Variants in RBM20 observed in about 807,000 individuals in gnomAD.
RBM20 encodes RNA binding motif protein 20.
A neutral mutation model predicts 110.1 loss-of-function variants in RBM20; 51 were observed. The observed-to-expected ratio is 0.46, with a 90% CI of 0.37 to 0.59. The LOEUF is 0.59. RBM20 is among the 20% of genes least tolerant of loss of function. The probability of loss-of-function intolerance (pLI) is 0.00; values close to 1 mark genes in which losing one functional copy is unlikely to be tolerated. For synonymous variants in RBM20, 589 were observed against 618.2 expected, an observed-to-expected ratio of 0.95 and a Z score of 0.70; for missense variants, 1,512 against 1,574.9, an observed-to-expected ratio of 0.96 and a Z score of 0.68.
At chr10:110,674,163 C>T (rs899512976) in intron 1 of RBM20, among the ~76,000 whole-genome samples, 1 of 152,134 alleles carries the variant, frequency 6.6e-6, no homozygotes, top group African/African-American at 2.4e-5. Context: ...TCATTTATGG[C>T]TACTCAGTCT....
In RBM20 at chr10:110,670,431, G is replaced by A. The variant is rs190461024; in HGVS notation, c.191+25786G>A. 2.6e-5 allele frequency among the ~76,000 whole-genome samples: 4 copies of A among 152,324 alleles called. No homozygotes were observed. In the East Asian group the frequency reaches 7.7e-4, roughly 29 times the overall value. ...TGAGATCTGAAACTAAGTTTCTCAT[G>A]ACTGGACTGTATTTCTTTAGCTGCT... On this transcript the variant is annotated intron_variant, in intron 1 of 13. Coordinates refer to ENST00000369519, the MANE Select transcript of RBM20 (RefSeq NM_001134363.3).
intron 1 of RBM20, among the ~76,000 whole-genome samples, chr10:110,715,058 G>A (rs1207150316): frequency 1.3e-5 from 2 of 152,174 alleles, no homozygotes; most frequent in Non-Finnish European, 2.9e-5. Flanking sequence ...GACCATCCTG[G>A]TCAACATGGT....
At chr10:110,664,625 T>C (rs1862151177) in intron 1 of RBM20, among the ~76,000 whole-genome samples, 1 of 152,012 alleles carries the variant, frequency 6.6e-6, no homozygotes, top group South Asian at 2.1e-4. Context: ...CTAACCCCTG[T>C]AGTCCCAGCT....
intron 1 of RBM20, among the ~76,000 whole-genome samples, chr10:110,767,289 C>A (rs1224896970): frequency 7.9e-6 from 1 of 125,882 alleles, no homozygotes; most frequent in East Asian, 2.5e-4. Flanking sequence ...TAGGGGCGGC[C>A]GGGCAGAGGT....
At position 110,781,837 on chromosome 10, in the gene RBM20, T is replaced by G; in HGVS notation, c.1228T>G (p.Leu410Val). 1 of 1,551,760 alleles carries G rather than the reference T, an allele frequency of 6.4e-7. No homozygotes were observed. Among genetic ancestry groups the G allele is most frequent in the Non-Finnish European group, 8.7e-7 (1 of 1,147,006 alleles). Residue 410 changes from leucine (L) to valine (V), a missense_variant, in exon 2 of 14, where the codon TTG becomes GTG. Around this residue, in one of 3 missense-constraint regions of RBM20, gnomAD observed 1,149 missense variants for 1,169.4 expected, o/e 0.98. Coordinates refer to ENST00000369519, the MANE Select transcript of RBM20 (RefSeq NM_001134363.3). ...NDFHGVAPLH[L>V]PHICSICDKK... Reference sequence around the variant, plus strand: ...CTTTCACGGTGTGGCCCCCCTCCACTTGCCGCATATCTGTAGCATCTGTGA... The same window carrying G: ...CTTTCACGGTGTGGCCCCCCTCCACGTGCCGCATATCTGTAGCATCTGTGA...
intron 7 of RBM20, among the ~76,000 whole-genome samples, chr10:110,807,703 TG>T (rs1564852734): frequency 2.0e-5 from 3 of 152,226 alleles, no homozygotes; most frequent in Admixed American, 6.5e-5. Context: ...TTCCTGGATC[TG>T]GGCTGGAAGG....
At chr10:110,656,679 G>A (rs185648294) in intron 1 of RBM20, among the ~76,000 whole-genome samples, 1 of 152,154 alleles carries the variant, frequency 6.6e-6, no homozygotes, top group Non-Finnish European at 1.5e-5. Context: ...CATCCCTATG[G>A]ATTTGCCTAT....
chr10:110,644,388 GC>G lies in RBM20; in HGVS notation c.-64del. 1 of 1,281,462 alleles carries G rather than the reference GC, an allele frequency of 7.8e-7. No individual in the cohort carries two copies. Among genetic ancestry groups the G allele is most frequent in the African/African-American group, 1.6e-5 (1 of 63,988 alleles). The allele number at this position is 1,281,462 out of a possible 1,614,324, so 79.4% of individuals were successfully genotyped here. A position where few individuals can be genotyped will look rare whatever the true frequency, so the allele number is the denominator to read the frequency against. On this transcript the variant is annotated 5_prime_UTR_variant, in exon 1 of 14. Transcript: ENST00000369519. The surrounding 1 kb of genome is among the most constrained non-coding windows in gnomAD (Gnocchi z 4.3). The stretch of plus-strand genomic sequence containing the variant: ...GGCACGGGGACCCCGGCCAGTGAGC[GC>G]CCGTGGCCCGGGACCGCCCCTCCCT...
intron 7 of RBM20, among the ~76,000 whole-genome samples, chr10:110,808,184 G>A (rs1844719716): frequency 6.6e-6 from 1 of 152,246 alleles, no homozygotes; most frequent in African/African-American, 2.4e-5. Context: ...AGCTCCAAGT[G>A]AGCCTCTTCT....
intron 9 of RBM20, among the ~76,000 whole-genome samples, chr10:110,818,371 C>T (rs1844868453): frequency 1.3e-5 from 2 of 151,232 alleles, no homozygotes; most frequent in South Asian, 2.1e-4. Context: ...TTCTTGATTG[C>T]CTTGGGAAGA....
intron 11 of RBM20, among the ~76,000 whole-genome samples, chr10:110,822,148 T>C (rs1232070451): frequency 6.6e-6 from 1 of 152,208 alleles, no homozygotes; most frequent in Non-Finnish European, 1.5e-5. Flanking sequence ...GGAAGTTAGA[T>C]AGGAGGCTGC....
chr10:110,682,779 C>T (rs1311353899), intron 1 of RBM20, among the ~76,000 whole-genome samples: 2 of 152,224 alleles, frequency 1.3e-5, no homozygotes, highest in African/African-American at 4.8e-5. Context: ...AGGGGAGCTA[C>T]TGTAGGATTA....
At chr10:110,697,928 G>A (rs1330812482) in intron 1 of RBM20, among the ~76,000 whole-genome samples, 1 of 141,560 alleles carries the variant, frequency 7.1e-6, no homozygotes, top group Non-Finnish European at 1.5e-5. Context: ...TTTTTTTTGA[G>A]ACTGAGTCTC....
intron 1 of RBM20, among the ~76,000 whole-genome samples, chr10:110,763,751 C>CCTTT (rs1554896903): frequency 4.8e-4 from 31 of 64,346 alleles, no homozygotes; most frequent in East Asian, 3.2e-3. Flanking sequence ...GGCTTCTTGG[C>CCTTT]TTTTTTTTTT....
At chr10:110,772,490 T>G (rs1245091962) in intron 1 of RBM20, among the ~76,000 whole-genome samples, 5 of 152,244 alleles carry the variant, frequency 3.3e-5, no homozygotes, top group Non-Finnish European at 7.3e-5. Flanking sequence ...ATTTTTACTG[T>G]ACTTGTCTAG....
chr10:110,704,824 G>A (rs1003657364), intron 1 of RBM20, among the ~76,000 whole-genome samples: 2 of 152,190 alleles, frequency 1.3e-5, no homozygotes, highest in African/African-American at 2.4e-5. Context: ...GAGGTTTGGA[G>A]AAGCCTTGTC....
At chr10:110,672,553 C>T (rs1450544486) in intron 1 of RBM20, among the ~76,000 whole-genome samples, 1 of 152,248 alleles carries the variant, frequency 6.6e-6, no homozygotes, top group Admixed American at 6.5e-5. Context: ...GCGGTCTTCC[C>T]GGGTGTTCGC....
At chr10:110,648,098 T>G (rs897966390) in intron 1 of RBM20, among the ~76,000 whole-genome samples, 1 of 152,234 alleles carries the variant, frequency 6.6e-6, no homozygotes, top group Admixed American at 6.5e-5. Context: ...TCTGTATTAT[T>G]TTTTAAGCAG....
At chr10:110,769,635 A>G (rs1844158863) in intron 1 of RBM20, among the ~76,000 whole-genome samples, 1 of 152,170 alleles carries the variant, frequency 6.6e-6, no homozygotes, top group Non-Finnish European at 1.5e-5. Context: ...CCCCCATGGA[A>G]GAGGAAGCCC....
Sources: gnomAD v4.1 joint callset for allele counts (sites outside exome capture counted in the v4.1 genomes callset) on GRCh38, gnomAD v4.1.1 for gene constraint, gnomAD v4.1.1 regional missense constraint, Gnocchi (gnomAD v3.1) non-coding constraint, MANE v1.5 for transcripts, NCBI Gene and HGNC (gene_info 2026-07-23, HGNC 2026-07-21) for gene names.